The following ZFAND6 variants were observed in gnomAD, a reference collection of about 807,000 sequenced individuals.
ZFAND6 encodes the protein zinc finger AN1-type containing 6.
Under a neutral mutation model 24.5 loss-of-function variants are expected in ZFAND6, and 12 were observed. The observed-to-expected ratio is 0.49, with a 90% CI of 0.31 to 0.79. The LOEUF (loss-of-function observed/expected upper bound fraction) is 0.79. ZFAND6 is among the 30% of genes least tolerant of loss of function. The pLI is 0.04. For synonymous variants in ZFAND6, 92 were observed against 81.5 expected (o/e 1.13, Z -0.69); for missense variants, 207 against 245.9 (o/e 0.84, Z 1.06).
At chr15:80,122,434 C>T (rs1245576191) in intron 4 of ZFAND6, among the ~76,000 whole-genome samples, 2 of 150,440 alleles carry the variant, frequency 1.3e-5, no homozygotes, top group East Asian at 4.0e-4. Context: ...CTTTATCATG[C>T]TAGTTTTCAT....
intron 2 of ZFAND6, among the ~76,000 whole-genome samples, chr15:80,115,971 TCCTTTAATTCCTCTCTTACACTTTA>T (rs1596296225): frequency 6.6e-6 from 1 of 152,230 alleles, no homozygotes; most frequent in East Asian, 1.9e-4. Flanking sequence ...TTGGGAGAGT[TCCTTTAATTCCTCTCTTACACTTTA>T]ATGTTGTTAA....
At chr15:80,109,881 G>A (rs1048480277) in intron 2 of ZFAND6, among the ~76,000 whole-genome samples, 1 of 152,208 alleles carries the variant, frequency 6.6e-6, no homozygotes, top group Non-Finnish European at 1.5e-5. Flanking sequence ...GTTTCTGTTG[G>A]GAATATAGAA....
chr15:80,111,038 G>A (rs1567083026), intron 2 of ZFAND6, among the ~76,000 whole-genome samples: 1 of 152,312 alleles, frequency 6.6e-6, no homozygotes, highest in African/African-American at 2.4e-5. Flanking sequence ...TAGGCAGATT[G>A]AAGCTGTCAG....
intron 2 of ZFAND6, among the ~76,000 whole-genome samples, chr15:80,119,724 ATGACTG>A (rs1241872387): frequency 6.6e-6 from 1 of 152,196 alleles, no homozygotes; most frequent in Non-Finnish European, 1.5e-5. Context: ...TTAAAGGGGA[ATGACTG>A]GTTCAGATAG....
At position 80,116,100 on chromosome 15, in the gene ZFAND6, G is replaced by GT. The variant is rs1388873474; in HGVS notation, c.-17-4217dup. Among the ~76,000 whole-genome samples, 392 of 136,508 alleles carry GT rather than the reference G, an allele frequency of 2.9e-3. 1 individual carries two copies. Among genetic ancestry groups the GT allele is most frequent in the Middle Eastern group, 7.5e-3 (2 of 266 alleles). 89.6% of individuals were successfully genotyped at this position (136,508 alleles called of 152,430 possible). A position where few individuals can be genotyped will look rare whatever the true frequency, so the allele number is the denominator to read the frequency against. On this transcript the variant is annotated intron_variant, in intron 2 of 6. Coordinates refer to ENST00000261749, the MANE Select transcript of ZFAND6 (RefSeq NM_019006.4). ...AGGAGCCTTTTTAGGTTTTTTTTTT[G>GT]TTTTTTTTTTTCTTAAGTGGCCCCC...
chr15:80,093,619 G>A (rs529271650), intron 1 of ZFAND6, among the ~76,000 whole-genome samples: 1 of 152,284 alleles, frequency 6.6e-6, no homozygotes, highest in African/African-American at 2.4e-5. Flanking sequence ...CAGCTACTCA[G>A]GAGACTGAGG....
intron 2 of ZFAND6, among the ~76,000 whole-genome samples, chr15:80,115,703 T>A (rs2039844036): frequency 6.6e-6 from 1 of 152,152 alleles, no homozygotes; most frequent in Admixed American, 6.5e-5. Flanking sequence ...TTTTTTTTTT[T>A]AAGAATCCTG....
chr15:80,126,751 TAACCACAAGC>T (rs2040386586), intron 5 of ZFAND6, among the ~76,000 whole-genome samples: 1 of 152,170 alleles, frequency 6.6e-6, no homozygotes. Context: ...TATGACACCT[TAACCACAAGC>T]AGCCAAAGAA....
chr15:80,088,015 T>A (rs1323236221), intron 1 of ZFAND6, among the ~76,000 whole-genome samples: 10 of 151,720 alleles, frequency 6.6e-5, no homozygotes, highest in Admixed American at 6.6e-4. Context: ...GCAAGAATAT[T>A]CTCTTACACA....
At chr15:80,062,542 C>T (rs192633699) in intron 1 of ZFAND6, among the ~76,000 whole-genome samples, 1 of 152,228 alleles carries the variant, frequency 6.6e-6, no homozygotes, top group East Asian at 1.9e-4. Flanking sequence ...ATGTTTCATT[C>T]ATGTATGTAA....
intron 1 of ZFAND6, among the ~76,000 whole-genome samples, chr15:80,063,742 G>A (rs1382743198): frequency 6.6e-6 from 1 of 152,064 alleles, no homozygotes; most frequent in African/African-American, 2.4e-5. Context: ...GTAGAGAGGG[G>A]GTTTCAGCAT....
At chr15:80,121,879 T>C in intron 4 of ZFAND6, 59 bp downstream of exon 4, 2 of 1,380,158 alleles carry the variant, frequency 1.4e-6, no homozygotes, top group East Asian at 2.5e-5. Context: ...GAGTATATTC[T>C]GTGTTTGATT....
chr15:80,075,836 G>A (rs138858911), intron 1 of ZFAND6, among the ~76,000 whole-genome samples: 5 of 152,204 alleles, frequency 3.3e-5, no homozygotes, highest in African/African-American at 1.2e-4. Flanking sequence ...GTCGTTAGTA[G>A]TGCTTTGGTA....
At position 80,131,270 on chromosome 15, in the gene ZFAND6, G is replaced by A. The variant is rs1390471056; in HGVS notation, c.455G>A (p.Cys152Tyr). ...PKQKKNRCFM[C>Y]RKKVGLTGFE... Reference sequence around the variant, plus strand: ...CAAAAAAAGAATCGCTGTTTCATGTGCAGGAAGAAAGTGGGACTTACTGGT... The same window carrying A: ...CAAAAAAAGAATCGCTGTTTCATGTACAGGAAGAAAGTGGGACTTACTGGT... The change falls in exon 6 of 7, where the codon TGC becomes TAC. Residue 152 changes from cysteine to tyrosine, a missense_variant. By Grantham distance (194) the Cys-to-Tyr change is radical. Coordinates refer to ENST00000261749, the MANE Select transcript of ZFAND6 (RefSeq NM_019006.4). 1.2e-6 allele frequency: 2 copies of A among 1,613,014 alleles called. No individual in the cohort carries two copies. The highest frequency in any genetic ancestry group is 3.3e-5 in the Admixed American group (2 of 59,962).
chr15:80,084,300 G>C (rs563633890), intron 1 of ZFAND6, among the ~76,000 whole-genome samples: 3 of 152,180 alleles, frequency 2.0e-5, no homozygotes, highest in African/African-American at 7.2e-5. Flanking sequence ...GTGCAGACAC[G>C]ATGCTGAAAG....
intron 2 of ZFAND6, among the ~76,000 whole-genome samples, chr15:80,106,313 A>G (rs991799997): frequency 1.3e-5 from 2 of 152,224 alleles, no homozygotes; most frequent in East Asian, 1.9e-4. Flanking sequence ...GAATTGGCCA[A>G]CTATGACCCA....
At position 80,137,694 on chromosome 15, in the gene ZFAND6, T is replaced by TC. The variant is rs771222242; in HGVS notation, c.*68dup. ...AAAAATTGACTTGAGGTTTTTTTTT[T>TC]CCTAGTCATTGGGAATGTAGAGCAG... On this transcript the variant is annotated 3_prime_UTR_variant, in exon 7 of 7. Transcript: ENST00000261749. 1 of 1,471,270 alleles carries TC rather than the reference T, an allele frequency of 6.8e-7. No individual in the cohort carries two copies. 91.1% of individuals were successfully genotyped at this position (1,471,270 alleles called of 1,614,324 possible).
intron 2 of ZFAND6, among the ~76,000 whole-genome samples, chr15:80,104,928 T>A (rs1399381998): frequency 5.9e-5 from 9 of 152,222 alleles, no homozygotes; most frequent in Admixed American, 5.9e-4. Flanking sequence ...CAGAGCAATT[T>A]AAAGTATATA....
chr15:80,111,165 C>T (rs1715710026), intron 2 of ZFAND6, among the ~76,000 whole-genome samples: 1 of 152,170 alleles, frequency 6.6e-6, no homozygotes, highest in Admixed American at 6.5e-5. Flanking sequence ...AAAAGTGTTA[C>T]TATCATTTAT....
Sources: allele counts gnomAD v4.1 joint callset (sites outside exome capture counted in the v4.1 genomes callset), GRCh38; gene constraint gnomAD v4.1.1; transcripts MANE v1.5; gene names NCBI Gene and HGNC (gene_info 2026-07-23, HGNC 2026-07-21).